The following IL2RA variants were observed in gnomAD, a reference collection of about 807,000 sequenced individuals.
IL2RA encodes interleukin-2 receptor subunit alpha.
In IL2RA, 24 loss-of-function variants were observed where a neutral mutation model predicts 37.8. The observed-to-expected ratio is 0.63, with a 90% CI of 0.46 to 0.89. The LOEUF (loss-of-function observed/expected upper bound fraction) is 0.89. IL2RA is among the 40% of genes least tolerant of loss of function. The pLI, the probability that IL2RA is intolerant of heterozygous loss-of-function variation, is 0.00. For synonymous variants in IL2RA, 125 were observed against 114.6 expected, an observed-to-expected ratio of 1.09 and a Z score of -0.58; for missense variants, 319 against 348.6, an observed-to-expected ratio of 0.92 and a Z score of 0.68.
rs1052952499 is a variant in IL2RA, at chr10:6,035,426, G to A, written c.65-9401C>T. ...GCAGGACGGAGCTGCTCTTGCACAC[G>A]GTTTCGTGGGCTGGATTTTCTCTGT... On this transcript the variant is annotated intron_variant, in intron 1 of 7. Coordinates refer to ENST00000379959, the MANE Select transcript of IL2RA (RefSeq NM_000417.3). The surrounding 1 kb of genome is among the most constrained non-coding windows in gnomAD (Gnocchi z 5.4). Among the ~76,000 whole-genome samples, 4 of 152,200 alleles carry A rather than the reference G, an allele frequency of 2.6e-5. No individual in the cohort carries two copies. The highest frequency in any genetic ancestry group is 4.8e-5 in the African/African-American group (2 of 41,456).
intron 1 of IL2RA, among the ~76,000 whole-genome samples, chr10:6,053,207 G>A (rs1262147705): frequency 6.6e-6 from 1 of 152,232 alleles, no homozygotes; most frequent in Non-Finnish European, 1.5e-5. Context: ...TCTGGAATGA[G>A]AGCGCCTGCT....
In IL2RA at chr10:6,047,691, T is replaced by C. The variant is rs1315986554; in HGVS notation, c.64+14397A>G. ...TATATAATAAATGAAATATATAAAA[T>C]ACCATCTTAGCTTATGAAATTATCT... On this transcript the variant is annotated intron_variant, in intron 1 of 7. Transcript: ENST00000379959. This position sits in a 1 kb window ranked among gnomAD's most constrained non-coding sequence, Gnocchi z 5.0. 6.7e-6 allele frequency among the ~76,000 whole-genome samples: 1 copy of C among 149,522 alleles called. No homozygotes were observed. Among genetic ancestry groups the C allele is most frequent in the Non-Finnish European group, 1.5e-5 (1 of 67,482 alleles).
At position 6,025,636 on chromosome 10, in the gene IL2RA, C is replaced by T. The variant is rs1379341037; in HGVS notation, c.256+198G>A. On this transcript the variant is annotated intron_variant, in intron 2 of 7. Coordinates refer to ENST00000379959, the MANE Select transcript of IL2RA (RefSeq NM_000417.3). This position sits in a 1 kb window ranked among gnomAD's most constrained non-coding sequence, Gnocchi z 4.4. ...GCGTGCCATTGCACTCCAGCCTAGG[C>T]AACAGAGTGAGAGTCTGTCTCCAAA... is the stretch of plus-strand genomic sequence containing the variant. 6.7e-6 allele frequency among the ~76,000 whole-genome samples: 1 copy of T among 149,704 alleles called. No homozygotes were observed. Among genetic ancestry groups the T allele is most frequent in the Middle Eastern group, 3.4e-3 (1 of 294 alleles).
At chr10:6,061,996 C>T (rs1042060738) in intron 1 of IL2RA, 92 bp downstream of exon 1, 14 of 1,076,502 alleles carry the variant, frequency 1.3e-5, no homozygotes, top group Non-Finnish European at 2.0e-5. Flanking sequence ...TTCTTGGAAC[C>T]ATCTACCTGG....
rs144647879 is a variant in IL2RA at position 6,013,941 on chromosome 10, C to G, written c.795-1045G>C. On this transcript the variant is annotated intron_variant, in intron 7 of 7. Transcript: ENST00000379959. ...TGAACTGCTGGACTCAAGGGATTCT[C>G]CCACCTCGCCCTTACCAGTAGCTGG... Among the ~76,000 whole-genome samples, 320 of 150,520 alleles carry G rather than the reference C, an allele frequency of 2.1e-3. 3 individuals carry two copies. The highest frequency in any genetic ancestry group is 3.5e-3 in the Non-Finnish European group (240 of 67,866).
chr10:6,013,375 A>G (rs1839223035), intron 7 of IL2RA, among the ~76,000 whole-genome samples: 1 of 152,182 alleles, frequency 6.6e-6, no homozygotes, highest in Non-Finnish European at 1.5e-5. Context: ...AATTTATTTG[A>G]GTTTAAATAC....
At chr10:6,023,710 G>GC (rs1839428291) in intron 3 of IL2RA, among the ~76,000 whole-genome samples, 1 of 152,220 alleles carries the variant, frequency 6.6e-6, no homozygotes, top group Admixed American at 6.5e-5. Context: ...CAGCCACAGT[G>GC]CCCACTCATG....
At position 6,024,304 on chromosome 10, in the gene IL2RA, C is replaced by T; in HGVS notation, c.307G>A (p.Glu103Lys). 1 of 1,614,170 alleles carries T rather than the reference C, an allele frequency of 6.2e-7. No homozygotes were observed. The highest frequency in any genetic ancestry group is 8.5e-7 in the Non-Finnish European group (1 of 1,180,008). Reference sequence around the variant, plus strand: ...CTTTGCATTTCTGTGGTTTTCCTTTCTTTCTGTTCTTCAGGTTGAGGTGTC... The same window carrying T: ...CTTTGCATTTCTGTGGTTTTCCTTTTTTTCTGTTCTTCAGGTTGAGGTGTC... ...QVTPQPEEQKERKTTEMQSPM... is the reference protein window; with the variant it reads ...QVTPQPEEQKKRKTTEMQSPM... Residue 103 changes from glutamate to lysine, a missense_variant, in exon 3 of 8, where the codon GAA (glutamate) becomes AAA (lysine). Transcript: ENST00000379959.
rs1839211472 is a variant in IL2RA, at chr10:6,012,893, C to T, written c.798G>A (p.Arg266=). 1 of 1,614,006 alleles carries T rather than the reference C, an allele frequency of 6.2e-7. No homozygotes were observed. Among genetic ancestry groups the T allele is most frequent in the African/African-American group, 1.3e-5 (1 of 74,918 alleles). Residue 266 remains arginine, a synonymous_variant, in exon 8 of 8, where the codon AGG becomes AGA. Transcript: ENST00000379959. The surrounding 1 kb of genome is among the most constrained non-coding windows in gnomAD (Gnocchi z 4.8). ...TTTTCTAGATTGTTCTTCTACTCTT[C>T]CTCCTGTAGTGGTGTAACAAAGTCA... ...LSGLTWQRRQ[R]KSRRTI is the part of the protein sequence containing the mutation.
Position 6,029,366 on chromosome 10 carries a change from C to T in IL2RA, c.65-3341G>A, listed in dbSNP as rs1192648536. 2.0e-5 allele frequency among the ~76,000 whole-genome samples: 3 copies of T among 151,944 alleles called. No homozygotes were observed. Among genetic ancestry groups the T allele is most frequent in the Non-Finnish European group, 4.4e-5 (3 of 67,940 alleles). Reference sequence around the variant, plus strand: ...TTTTAGTAGAGATGAGGTTTCACCACGTTTGCCAGGCTGGTCTCGAACTCC... The same window carrying T: ...TTTTAGTAGAGATGAGGTTTCACCATGTTTGCCAGGCTGGTCTCGAACTCC... On this transcript the variant is annotated intron_variant, in intron 1 of 7. Coordinates refer to ENST00000379959, the MANE Select transcript of IL2RA (RefSeq NM_000417.3). The surrounding 1 kb of genome is among the most constrained non-coding windows in gnomAD (Gnocchi z 4.6).
chr10:6,034,089 A>G (rs1839642238), intron 1 of IL2RA, among the ~76,000 whole-genome samples: 1 of 152,176 alleles, frequency 6.6e-6, no homozygotes, highest in Non-Finnish European at 1.5e-5. Flanking sequence ...TGCCCTTAGA[A>G]ACTCTTGAAT....
chr10:6,024,184 C>T, intron 3 of IL2RA, 60 bp downstream of exon 3: 1 of 1,105,404 alleles, frequency 9.0e-7, no homozygotes, highest in Admixed American at 1.7e-5. Flanking sequence ...TACACATCAT[C>T]TGCCTGCAGG....
At chr10:6,024,204 C>T (rs777175752) in intron 3 of IL2RA, 40 bp downstream of exon 3, 114 of 1,308,440 alleles carry the variant, frequency 8.7e-5, no homozygotes, top group Non-Finnish European at 1.2e-4. Flanking sequence ...GAGAAGGGTG[C>T]GCTAGCAGGA....
At chr10:6,041,265 C>T (rs1175936035) in intron 1 of IL2RA, among the ~76,000 whole-genome samples, 3 of 152,016 alleles carry the variant, frequency 2.0e-5, no homozygotes, top group African/African-American at 7.2e-5. Flanking sequence ...CAGGCGCCCA[C>T]GATCACGCCC....
chr10:6,023,636 C>G (rs902610125), intron 3 of IL2RA, among the ~76,000 whole-genome samples: 2 of 152,188 alleles, frequency 1.3e-5, no homozygotes, highest in Non-Finnish European at 2.9e-5. Flanking sequence ...GCGCCCAGCC[C>G]ATTTTCTTGA....
chr10:6,055,355 T>A (rs1840026956), intron 1 of IL2RA, among the ~76,000 whole-genome samples: 1 of 152,120 alleles, frequency 6.6e-6, no homozygotes, highest in Admixed American at 6.5e-5. Context: ...GGGAAGGTAT[T>A]GTGATGTTCG....
chr10:6,039,128 G>T (rs1257579247), intron 1 of IL2RA, among the ~76,000 whole-genome samples: 1 of 152,134 alleles, frequency 6.6e-6, no homozygotes, highest in Non-Finnish European at 1.5e-5. Flanking sequence ...GAAACTAAAA[G>T]AATGGACAAT....
rs12360221 is a variant in IL2RA, at chr10:6,015,239, C to T, written c.795-2343G>A. Among the ~76,000 whole-genome samples, 12 of 152,006 alleles carry T rather than the reference C, an allele frequency of 7.9e-5. No homozygotes were observed. The highest frequency in any genetic ancestry group is 2.1e-4 in the South Asian group (1 of 4,798). On this transcript the variant is annotated intron_variant, in intron 7 of 7. Transcript: ENST00000379959. The surrounding 1 kb of genome is among the most constrained non-coding windows in gnomAD (Gnocchi z 4.9). ...TCCCGAGTAGCTAAGATTATAGGTGCGCACCATGACAGCCAGCTAATTTTT... is the reference window on the plus strand; with the variant it reads ...TCCCGAGTAGCTAAGATTATAGGTGTGCACCATGACAGCCAGCTAATTTTT...
At chr10:6,053,096 T>C (rs937515594) in intron 1 of IL2RA, among the ~76,000 whole-genome samples, 1 of 152,204 alleles carries the variant, frequency 6.6e-6, no homozygotes, top group South Asian at 2.1e-4. Context: ...TCACAGCCTA[T>C]TACTTCACCT....
Sources: gnomAD v4.1 joint callset for allele counts (sites outside exome capture counted in the v4.1 genomes callset) on GRCh38, gnomAD v4.1.1 for gene constraint, Gnocchi (gnomAD v3.1) non-coding constraint, MANE v1.5 for transcripts, NCBI Gene and HGNC (gene_info 2026-07-23, HGNC 2026-07-21) for gene names.